The following SPHKAP variants were observed in gnomAD, a reference collection of about 807,000 sequenced individuals.
SPHKAP encodes A-kinase anchor protein SPHKAP.
SPHKAP carries 67 observed loss-of-function variants against 137.5 expected under a neutral mutation model. That is an observed-to-expected ratio of 0.49 (90% CI 0.40 to 0.60). The LOEUF is 0.60. Ranked by LOEUF, SPHKAP falls within the 20% of genes least tolerant of loss-of-function variation. The pLI is 0.00. For synonymous variants in SPHKAP, 813 were observed against 785.3 expected, an observed-to-expected ratio of 1.04 and a Z score of -0.59; for missense variants, 2,097 against 2,069.3, an observed-to-expected ratio of 1.01 and a Z score of -0.26.
chr2:228,109,419 C>T (rs1314698482), intron 2 of SPHKAP: 1 of 965,248 alleles, frequency 1.0e-6, no homozygotes, highest in Non-Finnish European at 1.2e-6. Flanking sequence ...TTCTAGAACA[C>T]CTAAGGTACT....
intron 7 of SPHKAP, among the ~76,000 whole-genome samples, chr2:228,013,632 C>T (rs1432345418): frequency 6.6e-6 from 1 of 152,168 alleles, no homozygotes; most frequent in Non-Finnish European, 1.5e-5. Context: ...AACCAAAAAG[C>T]AAGCATTTAT....
At chr2:228,006,424 T>C (rs1418601158) in intron 7 of SPHKAP, among the ~76,000 whole-genome samples, 1 of 152,220 alleles carries the variant, frequency 6.6e-6, no homozygotes, top group Non-Finnish European at 1.5e-5. Context: ...CATTGGTTTT[T>C]CTAGTTAGCC....
At chr2:228,164,987 C>T (rs1017179260) in intron 1 of SPHKAP, among the ~76,000 whole-genome samples, 32 of 152,138 alleles carry the variant, frequency 2.1e-4, no homozygotes, top group African/African-American at 7.2e-4. Flanking sequence ...GTGGACTCTA[C>T]TTGTGTTCAT....
chr2:228,016,174 T>TA (rs1326138181), intron 7 of SPHKAP, among the ~76,000 whole-genome samples: 1 of 152,048 alleles, frequency 6.6e-6, no homozygotes, highest in South Asian at 2.1e-4. Context: ...ATTTTTTTTT[T>TA]ATTACACTTT....
intron 3 of SPHKAP, among the ~76,000 whole-genome samples, chr2:228,030,370 C>T (rs1373487149): frequency 5.3e-5 from 8 of 151,620 alleles, no homozygotes; most frequent in South Asian, 2.1e-4. Flanking sequence ...AAAAAACAGC[C>T]GGGTGTGGTG....
intron 1 of SPHKAP, among the ~76,000 whole-genome samples, chr2:228,135,927 G>A (rs1301814369): frequency 6.6e-6 from 1 of 152,146 alleles, no homozygotes; most frequent in Non-Finnish European, 1.5e-5. Context: ...GTAGGCTTAT[G>A]TTTTAAAGCA....
intron 1 of SPHKAP, among the ~76,000 whole-genome samples, chr2:228,145,449 T>A (rs955893372): frequency 2.0e-5 from 3 of 152,280 alleles, no homozygotes; most frequent in Admixed American, 2.0e-4. Context: ...CATGTTGAAA[T>A]TGGATTAAAG....
intron 3 of SPHKAP, among the ~76,000 whole-genome samples, chr2:228,074,771 C>A (rs913334553): frequency 6.6e-6 from 1 of 151,814 alleles, no homozygotes; most frequent in South Asian, 2.1e-4. Flanking sequence ...TTCCCTTCTG[C>A]CCTCCTTCCT....
At chr2:228,088,072 G>A (rs373479575) in intron 3 of SPHKAP, among the ~76,000 whole-genome samples, 1 of 152,048 alleles carries the variant, frequency 6.6e-6, no homozygotes, top group Non-Finnish European at 1.5e-5. Flanking sequence ...AAAGAAAGGG[G>A]ATAGAACTGA....
intron 3 of SPHKAP, among the ~76,000 whole-genome samples, chr2:228,087,821 C>T (rs1006915473): frequency 2.0e-5 from 3 of 151,988 alleles, no homozygotes; most frequent in African/African-American, 7.2e-5. Context: ...TCACCAACTA[C>T]ATACAATGGG....
At chr2:228,045,510 A>C (rs1400158056) in intron 3 of SPHKAP, among the ~76,000 whole-genome samples, 1 of 151,718 alleles carries the variant, frequency 6.6e-6, no homozygotes, top group Non-Finnish European at 1.5e-5. Context: ...AAAAAACCAA[A>C]CACCACATGT....
chr2:228,067,997 A>G (rs1696881774), intron 3 of SPHKAP, among the ~76,000 whole-genome samples: 1 of 152,214 alleles, frequency 6.6e-6, no homozygotes, highest in African/African-American at 2.4e-5. Flanking sequence ...AGACTCCACC[A>G]AAAACTATTA....
intron 3 of SPHKAP, among the ~76,000 whole-genome samples, chr2:228,066,152 A>T (rs1696822268): frequency 6.6e-6 from 1 of 152,154 alleles, no homozygotes; most frequent in Admixed American, 6.5e-5. Context: ...GAAAGAAGAG[A>T]GGTTCAGCTA....
At chr2:228,003,877 T>C (rs1028209523) in intron 7 of SPHKAP, among the ~76,000 whole-genome samples, 5 of 152,228 alleles carry the variant, frequency 3.3e-5, no homozygotes, top group Non-Finnish European at 4.4e-5. Flanking sequence ...TTGATTTGCG[T>C]ATGTTGAACC....
chr2:228,116,965 C>T (rs1354099888), intron 2 of SPHKAP, among the ~76,000 whole-genome samples: 4 of 152,092 alleles, frequency 2.6e-5, no homozygotes, highest in African/African-American at 9.7e-5. Flanking sequence ...CTGAAGTTTT[C>T]ATCAATGTTC....
chr2:228,144,314 A>G (rs971484189), intron 1 of SPHKAP, among the ~76,000 whole-genome samples: 18 of 152,090 alleles, frequency 1.2e-4, no homozygotes, highest in Non-Finnish European at 2.4e-4. Flanking sequence ...CTCCCACCCC[A>G]TGCTCTATAG....
chr2:227,982,469 T>C (rs997213179), intron 11 of SPHKAP: 6 of 569,796 alleles, frequency 1.1e-5, no homozygotes, highest in South Asian at 7.7e-5. Context: ...ACCAGTTCTA[T>C]TGGCCACAGC....
chr2:228,147,882 C>T (rs1295908731), intron 1 of SPHKAP, among the ~76,000 whole-genome samples: 1 of 152,150 alleles, frequency 6.6e-6, no homozygotes, highest in Non-Finnish European at 1.5e-5. Flanking sequence ...TTAGCATTTA[C>T]TCAGTTGCAC....
intron 3 of SPHKAP, among the ~76,000 whole-genome samples, chr2:228,091,295 A>G (rs890737655): frequency 6.6e-6 from 1 of 152,210 alleles, no homozygotes; most frequent in Non-Finnish European, 1.5e-5. Context: ...TAAAACTAAG[A>G]CCTCAAACTA....
Sources: allele counts gnomAD v4.1 joint callset (sites outside exome capture counted in the v4.1 genomes callset), GRCh38; gene constraint gnomAD v4.1.1; transcripts MANE v1.5; gene names NCBI Gene and HGNC (gene_info 2026-07-23, HGNC 2026-07-21).